PLEKHA5: variants seen among roughly 807,000 people sequenced by gnomAD.
The protein encoded by PLEKHA5 is pleckstrin homology domain-containing family A member 5.
In PLEKHA5, 55 loss-of-function variants were observed where a neutral mutation model predicts 181.9. That is an observed-to-expected ratio of 0.30 (90% CI 0.24 to 0.38). PLEKHA5 has a LOEUF of 0.38. Among genes scored for constraint, PLEKHA5 ranks in the 10% least tolerant of loss-of-function variants. The pLI is 1.00. For missense variants in PLEKHA5, 1,432 were observed against 1,549.5 expected (o/e 0.92, Z 1.27); for synonymous variants, 535 against 529.4 (o/e 1.01, Z -0.15).
chr12:19,345,229 A>G (rs1390934099), intron 22 of PLEKHA5, among the ~76,000 whole-genome samples: 1 of 151,674 alleles, frequency 6.6e-6, no homozygotes. Context: ...TTGAGACCCC[A>G]TCTCTACTAA....
At position 19,302,906 on chromosome 12, in the gene PLEKHA5, A is replaced by ATTTTTTTT. The variant is rs34702332; in HGVS notation, c.2037+11235_2037+11242dup. 2.5e-3 allele frequency among the ~76,000 whole-genome samples: 135 copies of ATTTTTTTT among 54,006 alleles called. 7 individuals carry two copies. The highest frequency in any genetic ancestry group is 6.5e-3 in the South Asian group (5 of 774). 35.4% of individuals were successfully genotyped at this position (54,006 alleles called of 152,430 possible). A position where few individuals can be genotyped will look rare whatever the true frequency, so the allele number is the denominator to read the frequency against. ...GTTGGACAGCACTGTTCTGTATGAA[A>ATTTTTTTT]TTTTTTTTTTTTTTTTTTTTTTTTT... On this transcript the variant is annotated intron_variant, in intron 15 of 31. Coordinates refer to ENST00000429027, the MANE Select transcript of PLEKHA5 (RefSeq NM_001256470.2).
intron 11 of PLEKHA5, among the ~76,000 whole-genome samples, chr12:19,279,378 C>G (rs1196799100): frequency 6.6e-6 from 1 of 152,054 alleles, no homozygotes; most frequent in African/African-American, 2.4e-5. Flanking sequence ...CAAGTATGAT[C>G]TCTTGGACCA....
Position 19,269,830 on chromosome 12 carries a change from T to G in PLEKHA5, c.772T>G (p.Leu258Val). Residue 258 changes from leucine (L) to valine (V), a missense_variant, in exon 9 of 32, where the codon TTG (leucine) becomes GTG (valine). Around this residue, in one of 2 missense-constraint regions of PLEKHA5, gnomAD observed 289 missense variants for 381.1 expected, o/e 0.76. Transcript: ENST00000429027. Reference protein sequence around the residue: ...FCTDTGKEMELWMKAMLDAAL... With the variant: ...FCTDTGKEMEVWMKAMLDAAL... ...CACTGATACAGGAAAGGAAATGGAG[T>G]TGTGGATGAAAGCCATGTTAGATGC... 6.2e-7 allele frequency: 1 copy of G among 1,611,704 alleles called. No individual in the cohort carries two copies. Among genetic ancestry groups the G allele is most frequent in the Non-Finnish European group, 8.5e-7 (1 of 1,178,026 alleles).
intron 3 of PLEKHA5, chr12:19,154,376 TTCTTC>T (rs1251115295): frequency 6.6e-6 from 1 of 152,194 alleles, no homozygotes; most frequent in East Asian, 1.9e-4. Flanking sequence ...ATTTTGTTCT[TTCTTC>T]TCTTCCTTGT....
At chr12:19,200,451 C>G in intron 3 of PLEKHA5, 1 of 1,445,788 alleles carries the variant, frequency 6.9e-7, no homozygotes, top group South Asian at 1.5e-5. Flanking sequence ...ACAGCATATT[C>G]TAAACTGATT....
At chr12:19,285,866 G>A (rs761697097) in intron 12 of PLEKHA5, among the ~76,000 whole-genome samples, 1 of 152,130 alleles carries the variant, frequency 6.6e-6, no homozygotes. Context: ...AGTGCTAACC[G>A]TTGTCTCACA....
chr12:19,283,250 G>A, intron 11 of PLEKHA5, 30 bp from the exon 12 acceptor site: 1 of 1,421,214 alleles, frequency 7.0e-7, no homozygotes. Flanking sequence ...CCTCCTTCAT[G>A]TTTACATTTT....
At chr12:19,152,502 A>G (rs1429965596) in intron 3 of PLEKHA5, 1 of 152,222 alleles carries the variant, frequency 6.6e-6, no homozygotes, top group African/African-American at 2.4e-5. Flanking sequence ...GCAGGTTAAA[A>G]TAATCTGTAT....
chr12:19,176,701 G>A (rs2151772075), intron 3 of PLEKHA5: 1 of 152,192 alleles, frequency 6.6e-6, no homozygotes, highest in South Asian at 2.1e-4. Flanking sequence ...AACTGAAGAG[G>A]AAATCACCTT....
At chr12:19,352,556 G>A (rs1389954051) in intron 25 of PLEKHA5, among the ~76,000 whole-genome samples, 2 of 143,366 alleles carry the variant, frequency 1.4e-5, no homozygotes, top group Non-Finnish European at 3.0e-5. Flanking sequence ...TGATAGAGAT[G>A]TATCAGTATG....
rs1020009602 is a variant in PLEKHA5 at position 19,222,455 on chromosome 12, G to A, written c.228-31485G>A. On this transcript the variant is annotated intron_variant, in intron 3 of 31. Transcript: ENST00000429027. ...AATTACAGAGTGCACTCACACATGC[G>A]GACGCCTCACACTCACCATCCCTTT... Among the ~76,000 whole-genome samples the A allele has an allele frequency of 5.9e-5, 9 of 152,052 alleles. No homozygotes were observed. In the East Asian group the frequency reaches 1.2e-3, roughly 20 times the overall value.
intron 3 of PLEKHA5, among the ~76,000 whole-genome samples, chr12:19,212,927 A>C (rs1310358121): frequency 6.6e-6 from 1 of 151,468 alleles, no homozygotes; most frequent in African/African-American, 2.4e-5. Flanking sequence ...AAAATTCTTA[A>C]TCTCTAAACT....
At chr12:19,222,327 T>C (rs1469960898) in intron 3 of PLEKHA5, among the ~76,000 whole-genome samples, 1 of 152,166 alleles carries the variant, frequency 6.6e-6, no homozygotes, top group African/African-American at 2.4e-5. Context: ...ATTTCTGTTT[T>C]ATGCTTCAAA....
At chr12:19,252,113 T>A (rs1056414727) in intron 3 of PLEKHA5, among the ~76,000 whole-genome samples, 1 of 150,324 alleles carries the variant, frequency 6.7e-6, no homozygotes, top group African/African-American at 2.4e-5. Flanking sequence ...GGAATTTTTT[T>A]AAAACTATCT....
chr12:19,289,244 T>C (rs563079359), intron 13 of PLEKHA5, among the ~76,000 whole-genome samples: 21 of 152,370 alleles, frequency 1.4e-4, no homozygotes, highest in Middle Eastern at 3.4e-3. Context: ...GTCTCACCTG[T>C]GGATACCCAG....
At chr12:19,172,220 A>T (rs2046067314) in intron 3 of PLEKHA5, among the ~76,000 whole-genome samples, 1 of 152,180 alleles carries the variant, frequency 6.6e-6, no homozygotes, top group Admixed American at 6.5e-5. Flanking sequence ...CATCACTACA[A>T]ACAGTTGAGT....
intron 21 of PLEKHA5, among the ~76,000 whole-genome samples, chr12:19,337,664 A>G (rs1274883714): frequency 2.0e-5 from 3 of 152,134 alleles, no homozygotes; most frequent in Non-Finnish European, 2.9e-5. Flanking sequence ...TTATGACCCA[A>G]TGTAAATTTG....
intron 3 of PLEKHA5, among the ~76,000 whole-genome samples, chr12:19,186,722 C>T (rs750714650): frequency 7.9e-5 from 12 of 152,090 alleles, no homozygotes; most frequent in Non-Finnish European, 1.3e-4. Context: ...ATTTATGGTT[C>T]GTATCCACCC....
chr12:19,164,463 G>A (rs2043802050), intron 3 of PLEKHA5, among the ~76,000 whole-genome samples: 1 of 152,108 alleles, frequency 6.6e-6, no homozygotes, highest in African/African-American at 2.4e-5. Context: ...CCAAAGTGCT[G>A]GGATTACAGG....
Sources: allele counts gnomAD v4.1 joint callset (sites outside exome capture counted in the v4.1 genomes callset), GRCh38; gene constraint gnomAD v4.1.1; regional missense constraint gnomAD v4.1.1; transcripts MANE v1.5; gene names NCBI Gene and HGNC (gene_info 2026-07-23, HGNC 2026-07-21).